Variants in KEAP1 observed in about 807,000 individuals in gnomAD.
KEAP1 encodes the protein kelch-like ECH-associated protein 1.
Under a neutral mutation model 59.7 loss-of-function variants are expected in KEAP1, and 26 were observed. The ratio of observed to expected loss-of-function variants is 0.44; its 90% CI spans 0.32 to 0.60. KEAP1 has a LOEUF of 0.60. KEAP1 is among the 20% of genes least tolerant of loss of function. The pLI, the probability that KEAP1 is intolerant of heterozygous loss-of-function variation, is 0.06. For synonymous variants in KEAP1, 350 were observed against 358.3 expected, an observed-to-expected ratio of 0.98 and a Z score of 0.26; for missense variants, 539 against 871.4, an observed-to-expected ratio of 0.62 and a Z score of 4.80.
rs925001742 is a variant in KEAP1 at position 10,491,839 on chromosome 19, A to T, written c.1063T>A (p.Leu355Met). 6.2e-7 allele frequency: 1 copy of T among 1,608,920 alleles called. No individual in the cohort carries two copies. The highest frequency in any genetic ancestry group is 8.5e-7 in the Non-Finnish European group (1 of 1,177,902). ...CTCCGCGGCACCTGCAGGTCCGCCA[A>T]CCGGAGCCAGGTGCCGTCACTGGGG... ...YNPSDGTWLR[L>M]ADLQVPRSGL... is the part of the protein sequence containing the mutation. The change falls in exon 3 of 6, where the codon TTG becomes ATG. Residue 355 changes from leucine to methionine, a missense_variant. This residue lies in a region of KEAP1 where 311 missense variants were observed against 425.2 expected (regional missense o/e 0.73). Coordinates refer to ENST00000171111, the MANE Select transcript of KEAP1 (RefSeq NM_203500.2). This position sits in a 1 kb window ranked among gnomAD's most constrained non-coding sequence, Gnocchi z 5.2.
chr19:10,496,501 C>T (rs1193090395), intron 2 of KEAP1, among the ~76,000 whole-genome samples: 1 of 140,840 alleles, frequency 7.1e-6, no homozygotes, highest in South Asian at 2.2e-4. Flanking sequence ...TCCCCCACCC[C>T]CAAAAAAAAA....
At position 10,491,497 on chromosome 19, in the gene KEAP1, G is replaced by T; in HGVS notation, c.1325+80C>A. 7.9e-7 allele frequency: 1 copy of T among 1,258,316 alleles called. No individual in the cohort carries two copies. The highest frequency in any genetic ancestry group is 1.7e-5 in the South Asian group (1 of 57,694). The allele number at this position is 1,258,316 out of a possible 1,614,324, so 77.9% of individuals were successfully genotyped here. A position where few individuals can be genotyped will look rare whatever the true frequency, so the allele number is the denominator to read the frequency against. ...AGACAGGAAGAGGAAACAGCCTCAG[G>T]AAGAATACCCGGATCTCAGTGTCTT... is the stretch of plus-strand genomic sequence containing the variant. On this transcript the variant is annotated intron_variant, in intron 3 of 5. Transcript: ENST00000171111. This position sits in a 1 kb window ranked among gnomAD's most constrained non-coding sequence, Gnocchi z 5.2.
At chr19:10,486,903 G>A (rs940984447) in intron 5 of KEAP1, 85 bp from the exon 6 acceptor site, 2 of 1,449,118 alleles carry the variant, frequency 1.4e-6, no homozygotes, top group Non-Finnish European at 1.9e-6. Context: ...GCAGCTGTGA[G>A]ATGCAAAAGC....
chr19:10,501,218 G>A (rs772214275), intron 1 of KEAP1, among the ~76,000 whole-genome samples: 5 of 152,074 alleles, frequency 3.3e-5, no homozygotes, highest in Non-Finnish European at 7.4e-5. Context: ...ATCCTGGAGG[G>A]CCAGGAGATG....
intron 2 of KEAP1, among the ~76,000 whole-genome samples, chr19:10,496,884 C>G (rs903007441): frequency 2.0e-5 from 3 of 150,664 alleles, no homozygotes; most frequent in Non-Finnish European, 4.4e-5. Flanking sequence ...TTAGGGAGGC[C>G]AAGGCAGGCA....
rs756608531 is a variant in KEAP1, at chr19:10,493,557, C to CTTTT, written c.640-1299_640-1296dup. Among the ~76,000 whole-genome samples the CTTTT allele has an allele frequency of 7.4e-4, 71 of 96,286 alleles. 1 individual carries two copies. Among genetic ancestry groups the CTTTT allele is most frequent in the Non-Finnish European group, 1.1e-3 (55 of 48,926 alleles). 63.2% of individuals were successfully genotyped at this position (96,286 alleles called of 152,430 possible). ...ATGTTGGCCAGGCTGGTCTCAAACTCTTTTTTTTTTTTTTTTTTTTTTGAG... is the reference window on the plus strand; with the variant it reads ...ATGTTGGCCAGGCTGGTCTCAAACTCTTTTTTTTTTTTTTTTTTTTTTTTTTGAG... On this transcript the variant is annotated intron_variant, in intron 2 of 5. Coordinates refer to ENST00000171111, the MANE Select transcript of KEAP1 (RefSeq NM_203500.2).
intron 2 of KEAP1, chr19:10,492,625 G>A: frequency 4.7e-6 from 1 of 213,386 alleles, no homozygotes; most frequent in South Asian, 7.6e-5. Context: ...GGCTGAAGCA[G>A]AAGAATCGCT....
At chr19:10,490,023 G>A (rs974243346) in intron 3 of KEAP1, among the ~76,000 whole-genome samples, 170 bp from the exon 4 acceptor site, 28 of 151,962 alleles carry the variant, frequency 1.8e-4, no homozygotes, top group African/African-American at 6.5e-4. Context: ...AGGCCGAGGA[G>A]GGCGGATCAC....
At chr19:10,494,313 C>T (rs1427745611) in intron 2 of KEAP1, among the ~76,000 whole-genome samples, 2 of 149,984 alleles carry the variant, frequency 1.3e-5, no homozygotes, top group Non-Finnish European at 3.0e-5. Context: ...TGTGCATCAC[C>T]ATACCTGGCT....
chr19:10,487,373 T>C (rs1451784511), intron 5 of KEAP1, among the ~76,000 whole-genome samples: 2 of 149,910 alleles, frequency 1.3e-5, no homozygotes, highest in South Asian at 2.1e-4. Context: ...AATAGGAAAA[T>C]AGGCCACTCG....
At chr19:10,500,376 C>A (rs922131685) in intron 1 of KEAP1, among the ~76,000 whole-genome samples, 2 of 152,182 alleles carry the variant, frequency 1.3e-5, no homozygotes, top group Non-Finnish European at 2.9e-5. Context: ...ACGCAATTAG[C>A]CCCTGCCACC....
At chr19:10,497,704 G>T (rs1914897266) in intron 2 of KEAP1, among the ~76,000 whole-genome samples, 1 of 152,118 alleles carries the variant, frequency 6.6e-6, no homozygotes, top group Non-Finnish European at 1.5e-5. Flanking sequence ...CAGCAACATA[G>T]CAAGACCCTG....
chr19:10,501,428 G>C (rs1280462634), intron 1 of KEAP1, among the ~76,000 whole-genome samples: 1 of 151,868 alleles, frequency 6.6e-6, no homozygotes, highest in Non-Finnish European at 1.5e-5. Context: ...AGAAGATCGA[G>C]ACCATCCTGG....
In KEAP1 at chr19:10,499,895, G is replaced by C. The variant is rs1914980777; in HGVS notation, c.139C>G (p.His47Asp). The change falls in exon 2 of 6, where the codon CAT becomes GAT. Residue 47 changes from histidine to aspartate, a missense_variant. Transcript: ENST00000171111. The surrounding 1 kb of genome is among the most constrained non-coding windows in gnomAD (Gnocchi z 6.7). ...GTGTAGCTGAAGGTGCGGTTGCCATGCTGGGAGGGCGTCACCTCCGCCTTG... is the reference window on the plus strand; with the variant it reads ...GTGTAGCTGAAGGTGCGGTTGCCATCCTGGGAGGGCGTCACCTCCGCCTTG... ...ECKAEVTPSQ[H>D]GNRTFSYTLE... 1 of 1,613,362 alleles carries C rather than the reference G, an allele frequency of 6.2e-7. No individual in the cohort carries two copies. The highest frequency in any genetic ancestry group is 2.2e-5 in the East Asian group (1 of 44,860).
At position 10,502,511 on chromosome 19, in the gene KEAP1, C is replaced by T. The variant is rs1368478220; in HGVS notation, c.-48+730G>A. ...CTCGGTTTCCGCCGCTCCCGGGCCA[C>T]CCCAAGAGTTGCGCCGTCCAACAAA... On this transcript the variant is annotated intron_variant, in intron 1 of 5. Transcript: ENST00000171111. The surrounding 1 kb of genome is among the most constrained non-coding windows in gnomAD (Gnocchi z 4.0). 4 of 152,406 alleles carry T rather than the reference C, an allele frequency of 2.6e-5. No individual in the cohort carries two copies. Among genetic ancestry groups the T allele is most frequent in the Non-Finnish European group, 5.9e-5 (4 of 68,228 alleles). The allele number at this position is 152,406 out of a possible 1,614,324, so 9.4% of individuals were successfully genotyped here.
At position 10,500,142 on chromosome 19, in the gene KEAP1, C is replaced by A. The variant is rs932119684; in HGVS notation, c.-47-62G>T. 25 of 1,219,466 alleles carry A rather than the reference C, an allele frequency of 2.1e-5. No individual in the cohort carries two copies. In the African/African-American group the frequency reaches 3.5e-4, roughly 17 times the overall value. The allele number at this position is 1,219,466 out of a possible 1,614,324, so 75.5% of individuals were successfully genotyped here. A position where few individuals can be genotyped will look rare whatever the true frequency, so the allele number is the denominator to read the frequency against. ...TGGGACTGGGCCAGCACCTGCCGGG[C>A]CTCGTTTTGCAAGATAAAGCAATTC... On this transcript the variant is annotated intron_variant, in intron 1 of 5. Coordinates refer to ENST00000171111, the MANE Select transcript of KEAP1 (RefSeq NM_203500.2).
rs1425207862 is a variant in KEAP1 at position 10,491,181 on chromosome 19, C to A, written c.1325+396G>T. 6.6e-6 allele frequency among the ~76,000 whole-genome samples: 1 copy of A among 152,004 alleles called. No individual in the cohort carries two copies. The highest frequency in any genetic ancestry group is 1.9e-4 in the East Asian group (1 of 5,168). ...TGCAGTGACCCAAGATGCACTCCAG[C>A]CTGGGCAACAGAGCAAGAGAGACAG... On this transcript the variant is annotated intron_variant, in intron 3 of 5. Coordinates refer to ENST00000171111, the MANE Select transcript of KEAP1 (RefSeq NM_203500.2). The surrounding 1 kb of genome is among the most constrained non-coding windows in gnomAD (Gnocchi z 5.2).
chr19:10,496,715 C>T (rs1011378106), intron 2 of KEAP1, among the ~76,000 whole-genome samples: 16 of 151,310 alleles, frequency 1.1e-4, no homozygotes, highest in Middle Eastern at 3.4e-3. Context: ...GCATGAGAAT[C>T]GCTTGAACCC....
In KEAP1 at chr19:10,496,742, C is replaced by CA. The variant is rs201935743; in HGVS notation, c.639+2652dup. ...CTTGAACCCAGGACATGGAGGCTTGCAGTGAGCCGAAATCTTGCCACTGCA... is the reference window on the plus strand; with the variant it reads ...CTTGAACCCAGGACATGGAGGCTTGCAAGTGAGCCGAAATCTTGCCACTGCA... On this transcript the variant is annotated intron_variant, in intron 2 of 5. Coordinates refer to ENST00000171111, the MANE Select transcript of KEAP1 (RefSeq NM_203500.2). Among the ~76,000 whole-genome samples, 1,470 of 151,420 alleles carry CA rather than the reference C, an allele frequency of 9.7e-3. 25 individuals carry two copies. Among genetic ancestry groups the CA allele is most frequent in the African/African-American group, 0.034 (1,381 of 41,208 alleles).
Sources: gnomAD v4.1 joint callset for allele counts (sites outside exome capture counted in the v4.1 genomes callset) on GRCh38, gnomAD v4.1.1 for gene constraint, gnomAD v4.1.1 regional missense constraint, Gnocchi (gnomAD v3.1) non-coding constraint, MANE v1.5 for transcripts, NCBI Gene and HGNC (gene_info 2026-07-23, HGNC 2026-07-21) for gene names.